Variants in NRG4 observed in about 807,000 individuals in gnomAD.
The protein encoded by NRG4 is neuregulin 4, also known as pro-neuregulin-4, membrane-bound isoform.
A neutral mutation model predicts 15.0 loss-of-function variants in NRG4; 10 were observed. The ratio of observed to expected loss-of-function variants is 0.67; its 90% CI spans 0.41 to 1.13. The LOEUF is 1.13. Among genes scored for constraint, NRG4 ranks in the 50% most tolerant of loss-of-function variants. The pLI, the probability that NRG4 is intolerant of heterozygous loss-of-function variation, is 0.00. For synonymous variants in NRG4, 41 were observed against 50.1 expected, an observed-to-expected ratio of 0.82 and a Z score of 0.77; for missense variants, 139 against 140.2, an observed-to-expected ratio of 0.99 and a Z score of 0.04.
intron 2 of NRG4, among the ~76,000 whole-genome samples, chr15:76,055,746 C>T (rs892656615): frequency 7.9e-5 from 12 of 152,128 alleles, no homozygotes; most frequent in Non-Finnish European, 1.5e-4. Flanking sequence ...AAATCCAGAT[C>T]CATGAGAGAT....
intron 3 of NRG4, among the ~76,000 whole-genome samples, chr15:75,996,934 G>T (rs1357967975): frequency 6.6e-6 from 1 of 152,068 alleles, no homozygotes; most frequent in African/African-American, 2.4e-5. Context: ...CATATTGGTT[G>T]AGAAACTTTG....
rs941040311 is a variant in NRG4, at chr15:75,947,849, C to T, written c.332-4195G>A. Among the ~76,000 whole-genome samples, 5 of 152,136 alleles carry T rather than the reference C, an allele frequency of 3.3e-5. No individual in the cohort carries two copies. In the South Asian group the frequency reaches 1.0e-3, roughly 32 times the overall value. On this transcript the variant is annotated intron_variant, in intron 5 of 5. Transcript: ENST00000394907. ...GTTTGTATCAATAGTAGTCACCATC[C>T]TAAAGGTTGAAAGTGGTACCTCATT...
rs574271611 is a variant in NRG4 at position 76,049,526 on chromosome 15, C to T, written c.-105+2541G>A. ...CTTCTTCCCTATTCATCAACAATAT[C>T]TACTGGAAAGTCTGTTTCTTTGAGG... On this transcript the variant is annotated intron_variant, in intron 4 of 8. Transcript: ENST00000563910. Among the ~76,000 whole-genome samples the T allele has an allele frequency of 1.3e-3, 193 of 150,646 alleles. 6 individuals are homozygous for T. The highest frequency in any genetic ancestry group is 3.1e-3 in the South Asian group (15 of 4,820).
At chr15:76,040,243 G>C (rs2141952892) in intron 4 of NRG4, among the ~76,000 whole-genome samples, 1 of 152,300 alleles carries the variant, frequency 6.6e-6, no homozygotes, top group South Asian at 2.1e-4. Context: ...AAAACTTACA[G>C]GGCAGGAGAG....
intron 3 of NRG4, 25 bp downstream of exon 3, chr15:76,009,175 T>C: frequency 9.4e-7 from 1 of 1,068,112 alleles, no homozygotes; most frequent in Admixed American, 1.7e-5. Context: ...AAAGTTAACA[T>C]CTCCCCCTAG....
At chr15:76,005,636 C>T (rs1596014246) in intron 3 of NRG4, 3 of 259,924 alleles carry the variant, frequency 1.2e-5, no homozygotes, top group East Asian at 9.2e-5. Context: ...TACAGTGAGC[C>T]GAGATCGCCC....
chr15:75,958,514 G>A (rs1038960265), intron 4 of NRG4, among the ~76,000 whole-genome samples: 1 of 152,076 alleles, frequency 6.6e-6, no homozygotes, highest in Non-Finnish European at 1.5e-5. Context: ...ATAAAAGTAG[G>A]CTCTTCAAGA....
intron 3 of NRG4, chr15:75,969,137 G>T (rs1190009457): frequency 3.5e-5 from 16 of 454,564 alleles, no homozygotes; most frequent in South Asian, 2.5e-4. Context: ...ACCTTCCCAG[G>T]CTTCAGGTCT....
chr15:75,956,675 A>G (rs1285176840), intron 4 of NRG4, among the ~76,000 whole-genome samples: 1 of 152,188 alleles, frequency 6.6e-6, no homozygotes, highest in Non-Finnish European at 1.5e-5. Context: ...CGGAGACACT[A>G]CTGATTCTAG....
chr15:75,967,270 TA>T (rs1018753718), intron 3 of NRG4, among the ~76,000 whole-genome samples: 53 of 152,202 alleles, frequency 3.5e-4, no homozygotes, highest in African/African-American at 1.3e-3. Context: ...GCTATAAATG[TA>T]ACTTCATTAA....
At chr15:75,971,171 C>T (rs948349770) in intron 3 of NRG4, 2 of 448,044 alleles carry the variant, frequency 4.5e-6, no homozygotes, top group African/African-American at 4.0e-5. Flanking sequence ...ATTACCTGTA[C>T]ATATGTGTGT....
intron 4 of NRG4, among the ~76,000 whole-genome samples, chr15:76,045,817 T>C (rs941360006): frequency 1.3e-5 from 2 of 150,860 alleles, no homozygotes; most frequent in African/African-American, 2.5e-5. Context: ...GAAGTGGGGA[T>C]AGTTAATGGA....
At chr15:76,019,200 C>G (rs1234562344) in intron 5 of NRG4, among the ~76,000 whole-genome samples, 1 of 152,128 alleles carries the variant, frequency 6.6e-6, no homozygotes, top group Non-Finnish European at 1.5e-5. Flanking sequence ...CTCAAGCATC[C>G]CAGGTCGACT....
intron 5 of NRG4, among the ~76,000 whole-genome samples, chr15:75,954,375 C>T (rs767598925): frequency 2.0e-5 from 3 of 150,502 alleles, no homozygotes; most frequent in Non-Finnish European, 4.4e-5. Context: ...CTATGTAATA[C>T]ATTTATAATA....
At chr15:76,018,678 G>T (rs1035062919) in intron 5 of NRG4, among the ~76,000 whole-genome samples, 1 of 152,222 alleles carries the variant, frequency 6.6e-6, no homozygotes, top group Non-Finnish European at 1.5e-5. Context: ...AGTAAAGATT[G>T]CTGCCTGTTT....
rs544354959 is a variant in NRG4, at chr15:75,953,781, C to T, written c.331+2151G>A. ...AATCTTGGCTCACCGCAGCCTTGACCTCCTGGGCTCAAGCAATTCTCCCAC... is the reference window on the plus strand; with the variant it reads ...AATCTTGGCTCACCGCAGCCTTGACTTCCTGGGCTCAAGCAATTCTCCCAC... On this transcript the variant is annotated intron_variant, in intron 5 of 5. Transcript: ENST00000394907. 4.6e-5 allele frequency among the ~76,000 whole-genome samples: 7 copies of T among 152,260 alleles called. No individual in the cohort carries two copies. The South Asian group carries it at 8.3e-4, about 18-fold the overall frequency.
At chr15:76,027,728 T>G (rs2035353535) in intron 5 of NRG4, among the ~76,000 whole-genome samples, 1 of 152,100 alleles carries the variant, frequency 6.6e-6, no homozygotes, top group South Asian at 2.1e-4. Flanking sequence ...ACCCAACAAC[T>G]GATTTTTTTC....
intron 3 of NRG4, among the ~76,000 whole-genome samples, chr15:75,979,617 C>G (rs1032260559): frequency 1.6e-4 from 24 of 151,920 alleles, no homozygotes; most frequent in African/African-American, 5.8e-4. Flanking sequence ...AATGCTGGCC[C>G]CAAAAAATGT....
intron 4 of NRG4, among the ~76,000 whole-genome samples, chr15:75,958,459 G>A (rs2032354429): frequency 6.6e-6 from 1 of 151,880 alleles, no homozygotes; most frequent in South Asian, 2.1e-4. Flanking sequence ...TTTATTCTAC[G>A]TTTGGTAATC....
Sources: allele counts gnomAD v4.1 joint callset (sites outside exome capture counted in the v4.1 genomes callset), GRCh38; gene constraint gnomAD v4.1.1; transcripts MANE v1.5; gene names NCBI Gene and HGNC (gene_info 2026-07-23, HGNC 2026-07-21).